The following SPIN1 variants were observed in gnomAD, a reference collection of about 807,000 sequenced individuals.
The protein encoded by SPIN1 is spindlin 1.
Under a neutral mutation model 26.0 loss-of-function variants are expected in SPIN1, and 3 were observed. The observed-to-expected ratio is 0.12, with a 90% CI of 0.05 to 0.30. The LOEUF (loss-of-function observed/expected upper bound fraction) is 0.30. Among genes scored for constraint, SPIN1 ranks in the 10% least tolerant of loss-of-function variants. SPIN1 has a pLI of 1.00. For missense variants in SPIN1, 126 were observed against 333.4 expected, an observed-to-expected ratio of 0.38 and a Z score of 4.84; for synonymous variants, 101 against 116.5, an observed-to-expected ratio of 0.87 and a Z score of 0.86.
At chr9:88,398,744 T>G (rs889217819) in intron 1 of SPIN1, among the ~76,000 whole-genome samples, 1 of 151,540 alleles carries the variant, frequency 6.6e-6, no homozygotes, top group Admixed American at 6.6e-5. Context: ...CCCAGCTAAT[T>G]TTGTATTTTC....
At chr9:88,416,072 A>C (rs1587784533) in intron 1 of SPIN1, among the ~76,000 whole-genome samples, 2 of 151,926 alleles carry the variant, frequency 1.3e-5, no homozygotes, top group Admixed American at 1.3e-4. Context: ...CGTCTTAATA[A>C]ATTCTTGTAG....
chr9:88,470,601 CTT>C (rs59676605), intron 5 of SPIN1, among the ~76,000 whole-genome samples: 36 of 143,248 alleles, frequency 2.5e-4, no homozygotes, highest in African/African-American at 8.1e-4. Flanking sequence ...GGCCCCCCCC[CTT>C]TTTTTTTTTG....
chr9:88,436,220 C>G (rs1827995739), intron 2 of SPIN1, among the ~76,000 whole-genome samples: 1 of 152,156 alleles, frequency 6.6e-6, no homozygotes, highest in Admixed American at 6.5e-5. Context: ...CAGGTGTGCT[C>G]CACAGCGCCT....
At chr9:88,418,024 TC>T (rs1437442463) in intron 1 of SPIN1, among the ~76,000 whole-genome samples, 19 of 152,196 alleles carry the variant, frequency 1.2e-4, no homozygotes, top group African/African-American at 4.3e-4. Context: ...TCACAGTACT[TC>T]CATGTGTTCA....
At chr9:88,437,192 G>A (rs1587798098) in intron 2 of SPIN1, among the ~76,000 whole-genome samples, 3 of 151,944 alleles carry the variant, frequency 2.0e-5, no homozygotes, top group Admixed American at 2.0e-4. Context: ...CCAAATTTTG[G>A]CAGTTTTGAA....
At chr9:88,405,059 C>T (rs1030392830) in intron 1 of SPIN1, among the ~76,000 whole-genome samples, 2 of 152,072 alleles carry the variant, frequency 1.3e-5, no homozygotes, top group African/African-American at 4.8e-5. Context: ...ACAGTACTTT[C>T]TTCTGGAGTA....
intron 2 of SPIN1, among the ~76,000 whole-genome samples, chr9:88,436,490 C>G (rs1828001070): frequency 1.3e-5 from 2 of 152,022 alleles, no homozygotes; most frequent in Admixed American, 6.6e-5. Context: ...GTTGATGAAC[C>G]TTCTTTGACA....
At chr9:88,411,484 C>T (rs904990904) in intron 1 of SPIN1, 22 of 944,492 alleles carry the variant, frequency 2.3e-5, no homozygotes, top group East Asian at 1.4e-4. Context: ...AGAAGAGAGA[C>T]TTTAATGATG....
chr9:88,428,988 A>G (rs1827812703), intron 2 of SPIN1, among the ~76,000 whole-genome samples: 1 of 152,130 alleles, frequency 6.6e-6, no homozygotes, highest in Admixed American at 6.5e-5. Context: ...TGGTTTCTGC[A>G]TCAGCCTCCC....
chr9:88,458,618 G>A (rs935168664), intron 3 of SPIN1, among the ~76,000 whole-genome samples: 33 of 152,294 alleles, frequency 2.2e-4, no homozygotes, highest in African/African-American at 7.9e-4. Context: ...CATAGGTCAC[G>A]TTTATGTTGG....
intron 5 of SPIN1, among the ~76,000 whole-genome samples, chr9:88,474,415 T>A (rs1374102569): frequency 6.6e-6 from 1 of 152,188 alleles, no homozygotes; most frequent in Non-Finnish European, 1.5e-5. Flanking sequence ...GCCTGTGCCA[T>A]CCTCAGAGAT....
At chr9:88,434,024 GAACTC>G (rs1434674080) in intron 2 of SPIN1, among the ~76,000 whole-genome samples, 1 of 152,094 alleles carries the variant, frequency 6.6e-6, no homozygotes, top group Non-Finnish European at 1.5e-5. Context: ...AGTTAAGTGA[GAACTC>G]AAGGGGAGGA....
At chr9:88,439,447 G>A (rs921631511) in intron 2 of SPIN1, among the ~76,000 whole-genome samples, 2 of 152,026 alleles carry the variant, frequency 1.3e-5, no homozygotes, top group Non-Finnish European at 2.9e-5. Context: ...ACTTTCAGGG[G>A]GTATATAGAA....
intron 1 of SPIN1, among the ~76,000 whole-genome samples, chr9:88,389,926 T>C (rs181930659): frequency 1.4e-3 from 209 of 151,098 alleles, no homozygotes; most frequent in African/African-American, 5.1e-3. Flanking sequence ...CTCCCCACTC[T>C]CCCCCCTCAG....
At chr9:88,399,399 C>A (rs1463467295) in intron 1 of SPIN1, among the ~76,000 whole-genome samples, 1 of 152,118 alleles carries the variant, frequency 6.6e-6, no homozygotes, top group East Asian at 1.9e-4. Context: ...ACAGGGCAGT[C>A]ATTTGAGAAA....
At chr9:88,425,089 C>A (rs1265752708) in intron 1 of SPIN1, among the ~76,000 whole-genome samples, 3 of 152,030 alleles carry the variant, frequency 2.0e-5, no homozygotes, top group East Asian at 3.9e-4. Flanking sequence ...GTGGTAGGGT[C>A]ATGTGGTCAA....
intron 3 of SPIN1, among the ~76,000 whole-genome samples, chr9:88,456,978 G>C (rs1474329353): frequency 6.6e-6 from 1 of 151,912 alleles, no homozygotes; most frequent in Non-Finnish European, 1.5e-5. Context: ...TATTCAATAG[G>C]CTGAAAGTAG....
intron 2 of SPIN1, among the ~76,000 whole-genome samples, chr9:88,429,625 C>T (rs1038771585): frequency 1.3e-5 from 2 of 152,162 alleles, no homozygotes; most frequent in East Asian, 1.9e-4. Context: ...CATCTACCCC[C>T]CTCCAGGAAC....
intron 1 of SPIN1, among the ~76,000 whole-genome samples, chr9:88,398,497 T>G (rs1827116181): frequency 6.6e-6 from 1 of 152,032 alleles, no homozygotes; most frequent in Non-Finnish European, 1.5e-5. Context: ...ATAAGAAAAT[T>G]GAGGGTGTCT....
Sources: allele counts gnomAD v4.1 joint callset (sites outside exome capture counted in the v4.1 genomes callset), GRCh38; gene constraint gnomAD v4.1.1; transcripts MANE v1.5; gene names NCBI Gene and HGNC (gene_info 2026-07-23, HGNC 2026-07-21).